Variants in LARP4 observed in about 807,000 individuals in gnomAD.
The protein encoded by LARP4 is la-related protein 4.
A neutral mutation model predicts 92.9 loss-of-function variants in LARP4; 29 were observed. That is an observed-to-expected ratio of 0.31 (90% CI 0.23 to 0.43). LARP4 has a LOEUF of 0.43. Ranked by LOEUF, LARP4 falls within the 20% of genes least tolerant of loss-of-function variation. The pLI, the probability that LARP4 is intolerant of heterozygous loss-of-function variation, is 1.00. For missense variants in LARP4, 732 were observed against 860.0 expected, an observed-to-expected ratio of 0.85 and a Z score of 1.86; for synonymous variants, 279 against 284.1, an observed-to-expected ratio of 0.98 and a Z score of 0.18.
At position 50,427,752 on chromosome 12, in the gene LARP4, G is replaced by C. The variant is rs763201937; in HGVS notation, c.19-10G>C. 2.7e-6 allele frequency: 4 copies of C among 1,472,036 alleles called. No homozygotes were observed. The highest frequency in any genetic ancestry group is 2.8e-5 in the African/African-American group (2 of 72,082). The allele number at this position is 1,472,036 out of a possible 1,614,324, so 91.2% of individuals were successfully genotyped here. On this transcript the variant is annotated splice_polypyrimidine_tract_variant and intron_variant, in intron 1 of 15. Coordinates refer to ENST00000398473, the MANE Select transcript of LARP4 (RefSeq NM_052879.5). ...TTAAAAATTTACAAATAGATCCTTC[G>C]ATTATTTAGCAGGTAGCATCTAAAG... is the stretch of plus-strand genomic sequence containing the variant.
Position 50,477,016 on chromosome 12 carries a change from A to C in LARP4, c.*1152A>C, listed in dbSNP as rs942169577. 6.6e-6 allele frequency: 1 copy of C among 152,400 alleles called. No individual in the cohort carries two copies. Among genetic ancestry groups the C allele is most frequent in the Non-Finnish European group, 1.5e-5 (1 of 68,018 alleles). 9.4% of individuals were successfully genotyped at this position (152,400 alleles called of 1,614,324 possible). On this transcript the variant is annotated 3_prime_UTR_variant, in exon 16 of 16. Transcript: ENST00000398473. ...TTAAGTGTTAAATAATGTAGAAGTA[A>C]AAAAATTTTTTTTAAAGGCTTAATT... is the stretch of plus-strand genomic sequence containing the variant.
Position 50,476,525 on chromosome 12 carries a change from T to C in LARP4, c.*661T>C, listed in dbSNP as rs1227568430. ...GTCTGTCTTTTTGACCTTACTAATATTTCATTTAACAAGTTGTAAAACTCT... is the reference window on the plus strand; with the variant it reads ...GTCTGTCTTTTTGACCTTACTAATACTTCATTTAACAAGTTGTAAAACTCT... On this transcript the variant is annotated 3_prime_UTR_variant, in exon 16 of 16. Coordinates refer to ENST00000398473, the MANE Select transcript of LARP4 (RefSeq NM_052879.5). 3 of 152,600 alleles carry C rather than the reference T, an allele frequency of 2.0e-5. No homozygotes were observed. The highest frequency in any genetic ancestry group is 4.8e-5 in the African/African-American group (2 of 41,440). 9.5% of individuals were successfully genotyped at this position (152,600 alleles called of 1,614,324 possible). A position where few individuals can be genotyped will look rare whatever the true frequency, so the allele number is the denominator to read the frequency against.
At chr12:50,461,061 A>AT (rs1955291137) in intron 10 of LARP4, 74 bp from the exon 11 acceptor site, 2 of 1,306,164 alleles carry the variant, frequency 1.5e-6, no homozygotes, top group Non-Finnish European at 2.2e-6. Context: ...ACAGGAGCCA[A>AT]TTTTTTACCT....
At chr12:50,452,696 C>T (rs183889816) in intron 8 of LARP4, among the ~76,000 whole-genome samples, 1 of 152,270 alleles carries the variant, frequency 6.6e-6, no homozygotes, top group East Asian at 1.9e-4. Context: ...AGCATTTTTA[C>T]ATATGCCTGC....
intron 1 of LARP4, among the ~76,000 whole-genome samples, chr12:50,424,836 TTTAGATAATGA>T (rs1948463202): frequency 6.6e-6 from 1 of 151,990 alleles, no homozygotes; most frequent in East Asian, 1.9e-4. Flanking sequence ...TCATTGTGTG[TTTAGATAATGA>T]TTATTAAACT....
At chr12:50,459,423 T>G (rs896405041) in intron 10 of LARP4, among the ~76,000 whole-genome samples, 18 of 152,212 alleles carry the variant, frequency 1.2e-4, no homozygotes, top group African/African-American at 3.9e-4. Flanking sequence ...CAGATTATTG[T>G]ATGTCTGTAT....
chr12:50,420,272 G>T (rs1217176377), intron 1 of LARP4, among the ~76,000 whole-genome samples: 3 of 152,170 alleles, frequency 2.0e-5, no homozygotes, highest in Non-Finnish European at 4.4e-5. Context: ...AAAAATCAGT[G>T]AACTGGAAGA....
intron 1 of LARP4, among the ~76,000 whole-genome samples, chr12:50,401,862 C>T (rs1234248564): frequency 1.3e-5 from 2 of 152,174 alleles, no homozygotes. Context: ...GAGTTGGATA[C>T]CTGCCTTACA....
At chr12:50,403,272 T>G (rs927028399) in intron 1 of LARP4, among the ~76,000 whole-genome samples, 2 of 152,172 alleles carry the variant, frequency 1.3e-5, no homozygotes, top group African/African-American at 2.4e-5. Flanking sequence ...GGAAAAAAAT[T>G]TGCGTGTTTA....
At chr12:50,471,433 G>A (rs1185597411) in intron 13 of LARP4, among the ~76,000 whole-genome samples, 3 of 152,150 alleles carry the variant, frequency 2.0e-5, no homozygotes, top group African/African-American at 7.2e-5. Flanking sequence ...TCATTGTACT[G>A]TTAATGGACA....
chr12:50,430,711 A>G (rs1377596862), intron 4 of LARP4, 141 bp downstream of exon 4: 6 of 533,752 alleles, frequency 1.1e-5, no homozygotes, highest in Non-Finnish European at 2.0e-5. Flanking sequence ...GCTGGGCTGG[A>G]GTGCAGTGGT....
At chr12:50,432,860 CAAA>C (rs10660517) in intron 4 of LARP4, among the ~76,000 whole-genome samples, 2 of 124,448 alleles carry the variant, frequency 1.6e-5, no homozygotes, top group Admixed American at 8.9e-5. Context: ...GACTTCGTTT[CAAA>C]AAAAAAAAAA....
Position 50,461,462 on chromosome 12 carries a change from A to G in LARP4, c.1334+115A>G, listed in dbSNP as rs1414902531. On this transcript the variant is annotated intron_variant, in intron 11 of 15. Transcript: ENST00000398473. ...CATTTAATTATTGGTATATGGTTAT[A>G]TTAAATAAATACGTTATTTTCAGAA... 3.3e-5 allele frequency: 34 copies of G among 1,033,666 alleles called. No homozygotes were observed. The East Asian group carries it at 8.8e-4, about 27-fold the overall frequency. The allele number at this position is 1,033,666 out of a possible 1,614,324, so 64.0% of individuals were successfully genotyped here. A position where few individuals can be genotyped will look rare whatever the true frequency, so the allele number is the denominator to read the frequency against.
chr12:50,414,283 C>A (rs1946398227), intron 1 of LARP4, among the ~76,000 whole-genome samples: 1 of 152,014 alleles, frequency 6.6e-6, no homozygotes, highest in Non-Finnish European at 1.5e-5. Flanking sequence ...CCTTTCAGGT[C>A]TTTTCTGGGT....
intron 3 of LARP4, among the ~76,000 whole-genome samples, chr12:50,429,719 ATCT>A (rs1949361311): frequency 6.6e-6 from 1 of 152,014 alleles, no homozygotes; most frequent in Non-Finnish European, 1.5e-5. Context: ...GCTCACTGCA[ATCT>A]CTGCCTCCTG....
chr12:50,473,813 G>A (rs1957218241), intron 14 of LARP4, among the ~76,000 whole-genome samples, 186 bp from the exon 15 acceptor site: 3 of 131,200 alleles, frequency 2.3e-5, no homozygotes, highest in Non-Finnish European at 4.9e-5. Context: ...GGGTGGGGGG[G>A]TGGGGGGGGT....
intron 10 of LARP4, among the ~76,000 whole-genome samples, chr12:50,460,167 A>G (rs1370907150): frequency 6.6e-6 from 1 of 152,058 alleles, no homozygotes; most frequent in Non-Finnish European, 1.5e-5. Context: ...AGAAGAATGC[A>G]TTGCATAGAC....
chr12:50,458,685 G>C, intron 10 of LARP4, among the ~76,000 whole-genome samples: 1 of 152,170 alleles, frequency 6.6e-6, no homozygotes, highest in Non-Finnish European at 1.5e-5. Context: ...TTCTTAATCT[G>C]TAGATCCAAG....
chr12:50,410,944 CTGATGATAATAT>C (rs1424469370), intron 1 of LARP4, among the ~76,000 whole-genome samples: 2 of 152,078 alleles, frequency 1.3e-5, no homozygotes, highest in Admixed American at 1.3e-4. Context: ...AGCAATAATA[CTGATGATAATAT>C]TGATGAATAA....
Sources: gnomAD v4.1 joint callset for allele counts (sites outside exome capture counted in the v4.1 genomes callset) on GRCh38, gnomAD v4.1.1 for gene constraint, MANE v1.5 for transcripts, NCBI Gene and HGNC (gene_info 2026-07-23, HGNC 2026-07-21) for gene names.